Variants in RBMS3 observed in about 807,000 individuals in gnomAD.
RBMS3 encodes the protein RNA binding motif single stranded interacting protein 3.
RBMS3 carries 27 observed loss-of-function variants against 66.8 expected under a neutral mutation model. The observed-to-expected ratio is 0.40, with a 90% CI of 0.30 to 0.56. RBMS3 has a LOEUF of 0.56. Ranked by LOEUF, RBMS3 falls within the 20% of genes least tolerant of loss-of-function variation. The pLI is 0.40. For missense variants in RBMS3, 513 were observed against 549.5 expected, an observed-to-expected ratio of 0.93 and a Z score of 0.66; for synonymous variants, 188 against 183.0, an observed-to-expected ratio of 1.03 and a Z score of -0.22.
At chr3:29,749,272 G>A (rs6792183) in intron 5 of RBMS3, among the ~76,000 whole-genome samples, 70,297 of 151,862 alleles carry the variant, frequency 0.46, 17,427 homozygotes, top group African/African-American at 0.64. Context: ...CTCAAAAACA[G>A]TAGTCAGTGC....
chr3:29,828,972 G>A (rs966379318), intron 6 of RBMS3, among the ~76,000 whole-genome samples: 11 of 149,322 alleles, frequency 7.4e-5, no homozygotes, highest in African/African-American at 2.2e-4. Flanking sequence ...TGCTGTTAGC[G>A]AGTGACTTTC....
chr3:29,879,508 G>T (rs1002278668), intron 7 of RBMS3, among the ~76,000 whole-genome samples: 3 of 152,014 alleles, frequency 2.0e-5, no homozygotes, highest in African/African-American at 4.8e-5. Flanking sequence ...GACTCAACTT[G>T]TGCTAATTCA....
intron 4 of RBMS3, among the ~76,000 whole-genome samples, chr3:29,722,652 C>T (rs1424083531): frequency 6.6e-6 from 1 of 152,074 alleles, no homozygotes; most frequent in Non-Finnish European, 1.5e-5. Flanking sequence ...ATTCTTCTGT[C>T]TTTCTTCATC....
chr3:29,778,753 C>G (rs190463124), intron 6 of RBMS3, among the ~76,000 whole-genome samples: 2 of 151,922 alleles, frequency 1.3e-5, no homozygotes, highest in Admixed American at 6.6e-5. Context: ...ATAGTCTCTT[C>G]TGTACTAGTG....
intron 1 of RBMS3, among the ~76,000 whole-genome samples, chr3:29,322,721 G>A (rs2035081083): frequency 6.6e-6 from 1 of 152,070 alleles, no homozygotes; most frequent in Non-Finnish European, 1.5e-5. Context: ...TTTGTGGATG[G>A]TTCCTTGGAG....
chr3:29,982,475 T>A (rs1698061244), intron 12 of RBMS3, among the ~76,000 whole-genome samples: 1 of 152,200 alleles, frequency 6.6e-6, no homozygotes, highest in Non-Finnish European at 1.5e-5. Context: ...ATTTGTTTGC[T>A]CTTGCTTCTC....
intron 4 of RBMS3, among the ~76,000 whole-genome samples, chr3:29,671,226 T>A (rs1177042559): frequency 6.6e-6 from 1 of 152,092 alleles, no homozygotes; most frequent in Admixed American, 6.5e-5. Flanking sequence ...CAGAAAGGAA[T>A]AGCATCAACG....
chr3:29,675,680 C>T (rs539588899), intron 4 of RBMS3, among the ~76,000 whole-genome samples: 2 of 152,300 alleles, frequency 1.3e-5, no homozygotes, highest in Admixed American at 6.5e-5. Context: ...TGAAAAAATG[C>T]TCATCATCAC....
chr3:29,587,248 T>TTTTTTTTGTGTGTG (rs779648378), intron 4 of RBMS3, 43 bp downstream of exon 4: 1 of 362,012 alleles, frequency 2.8e-6, no homozygotes, highest in African/African-American at 3.4e-5. Flanking sequence ...TTTTTTTTTT[T>TTTTTTTTGTGTGTG]TGTGTGTGTG....
chr3:29,584,076 A>G lies in RBMS3; in HGVS notation c.308-3038A>G, dbSNP rs144337430. 3.3e-5 allele frequency among the ~76,000 whole-genome samples: 5 copies of G among 152,244 alleles called. No individual in the cohort carries two copies. In the East Asian group the frequency reaches 9.7e-4, roughly 29 times the overall value. On this transcript the variant is annotated intron_variant, in intron 3 of 14. Coordinates refer to ENST00000383767, the MANE Select transcript of RBMS3 (RefSeq NM_001003793.3). ...CTCCTCATCTTGCTCATACTCTTCA[A>G]CTACTCCAGCAGACTTCAATCCCCA... is the stretch of plus-strand genomic sequence containing the variant.
chr3:29,424,723 CA>C (rs1387479217), intron 1 of RBMS3, among the ~76,000 whole-genome samples: 3 of 152,110 alleles, frequency 2.0e-5, no homozygotes, highest in African/African-American at 7.2e-5. Flanking sequence ...CCATTACTGA[CA>C]GTAATTTTCG....
intron 12 of RBMS3, among the ~76,000 whole-genome samples, chr3:29,965,161 A>G (rs769346774): frequency 6.6e-6 from 1 of 152,170 alleles, no homozygotes; most frequent in Non-Finnish European, 1.5e-5. Flanking sequence ...TGCAGTTGTG[A>G]ATTGTGCTGC....
chr3:29,622,720 G>A (rs1283165486), intron 4 of RBMS3, among the ~76,000 whole-genome samples: 1 of 152,202 alleles, frequency 6.6e-6, no homozygotes, highest in Non-Finnish European at 1.5e-5. Flanking sequence ...ACAGACTGTG[G>A]AGCCAGACTG....
intron 10 of RBMS3, among the ~76,000 whole-genome samples, chr3:29,930,951 T>G (rs941362898): frequency 5.3e-5 from 8 of 152,154 alleles, no homozygotes; most frequent in Admixed American, 5.2e-4. Context: ...ATAACATTTC[T>G]AACTAACTAC....
At chr3:29,708,874 C>A (rs73829308) in intron 4 of RBMS3, among the ~76,000 whole-genome samples, 1 of 152,128 alleles carries the variant, frequency 6.6e-6, no homozygotes, top group African/African-American at 2.4e-5. Context: ...TATTGACAGA[C>A]AACTGTCAAT....
chr3:29,378,427 G>A (rs9811441), intron 1 of RBMS3, among the ~76,000 whole-genome samples: 127,600 of 151,194 alleles, frequency 0.84, 54,838 homozygotes, highest in South Asian at 0.94. Flanking sequence ...AGCCGAGATC[G>A]CGCCACGGCA....
intron 1 of RBMS3, among the ~76,000 whole-genome samples, chr3:29,290,014 A>G (rs2032689387): frequency 6.6e-6 from 1 of 151,826 alleles, no homozygotes; most frequent in South Asian, 2.1e-4. Context: ...CTGACTGATG[A>G]CAATTTAATG....
intron 1 of RBMS3, among the ~76,000 whole-genome samples, chr3:29,334,490 A>G (rs146429397): frequency 1.4e-4 from 21 of 152,266 alleles, no homozygotes; most frequent in African/African-American, 4.8e-4. Flanking sequence ...CTGTTTTTAT[A>G]TTAAGCTTAA....
intron 1 of RBMS3, among the ~76,000 whole-genome samples, chr3:29,372,247 T>C (rs2038244039): frequency 6.6e-6 from 1 of 152,156 alleles, no homozygotes; most frequent in African/African-American, 2.4e-5. Context: ...GGAGAATTGT[T>C]TGAACCCGGG....
Sources: gnomAD v4.1 joint callset for allele counts (sites outside exome capture counted in the v4.1 genomes callset) on GRCh38, gnomAD v4.1.1 for gene constraint, MANE v1.5 for transcripts, NCBI Gene and HGNC (gene_info 2026-07-23, HGNC 2026-07-21) for gene names.